Variants in PTPRG observed in about 807,000 individuals in gnomAD.
PTPRG encodes the protein protein tyrosine phosphatase receptor type G.
A neutral mutation model predicts 165.3 loss-of-function variants in PTPRG; 102 were observed. The ratio of observed to expected loss-of-function variants is 0.62; its 90% CI spans 0.53 to 0.73. PTPRG has a LOEUF of 0.73. PTPRG is among the 30% of genes least tolerant of loss of function. PTPRG has a pLI of 0.00. For missense variants in PTPRG, 1,866 were observed against 1,861.4 expected (o/e 1.00, Z -0.05); for synonymous variants, 675 against 669.5 (o/e 1.01, Z -0.13).
chr3:62,281,101 C>T (rs1050781895), intron 26 of PTPRG, among the ~76,000 whole-genome samples: 3 of 152,036 alleles, frequency 2.0e-5, no homozygotes, highest in Admixed American at 6.6e-5. Context: ...CAACATCATA[C>T]TGAAAATATA....
intron 7 of PTPRG, among the ~76,000 whole-genome samples, chr3:62,164,775 C>T (rs1704904047): frequency 6.6e-6 from 1 of 152,176 alleles, no homozygotes; most frequent in Non-Finnish European, 1.5e-5. Context: ...CTTGTTCTTT[C>T]CTGAGGCTTC....
chr3:62,069,637 GTC>G (rs537162206), intron 4 of PTPRG, among the ~76,000 whole-genome samples: 3,919 of 141,056 alleles, frequency 0.028, 149 homozygotes, highest in East Asian at 0.077. Context: ...TAGGATCGAT[GTC>G]TCTCTCTCTC....
intron 1 of PTPRG, among the ~76,000 whole-genome samples, chr3:61,740,180 A>G (rs1479299382): frequency 3.3e-5 from 5 of 152,194 alleles, no homozygotes; most frequent in Admixed American, 2.6e-4. Flanking sequence ...TATTACACCA[A>G]CACTGTCTGT....
chr3:61,709,994 A>G (rs978782842), intron 1 of PTPRG, among the ~76,000 whole-genome samples: 1 of 152,188 alleles, frequency 6.6e-6, no homozygotes, highest in Non-Finnish European at 1.5e-5. Context: ...CACTAGAAGT[A>G]ACATTGAGCT....
chr3:61,828,899 G>A (rs1199123918), intron 2 of PTPRG, among the ~76,000 whole-genome samples: 1 of 152,146 alleles, frequency 6.6e-6, no homozygotes, highest in African/African-American at 2.4e-5. Flanking sequence ...CTTGGTCATG[G>A]GTGGAAGATA....
intron 5 of PTPRG, among the ~76,000 whole-genome samples, chr3:62,082,036 T>G (rs1701600411): frequency 6.6e-6 from 1 of 152,166 alleles, no homozygotes; most frequent in African/African-American, 2.4e-5. Context: ...CCTCTACTTG[T>G]AAAAAGGCTA....
In PTPRG at chr3:62,271,842, C is replaced by A. The variant is rs1021472913; in HGVS notation, c.3182+287C>A. On this transcript the variant is annotated intron_variant, in intron 21 of 29. Transcript: ENST00000474889. The surrounding 1 kb of genome is among the most constrained non-coding windows in gnomAD (Gnocchi z 4.1). ...TGGAGGCCAACTCCTGTAATCCCAG[C>A]ACTTTGGGAGGCTGAGGTGGGTGGA... 2.6e-5 allele frequency among the ~76,000 whole-genome samples: 4 copies of A among 152,176 alleles called. No individual in the cohort carries two copies. Among genetic ancestry groups the A allele is most frequent in the African/African-American group, 9.6e-5 (4 of 41,466 alleles).
intron 1 of PTPRG, among the ~76,000 whole-genome samples, chr3:61,568,648 G>A (rs1699983026): frequency 6.6e-6 from 1 of 152,026 alleles, no homozygotes; most frequent in African/African-American, 2.4e-5. Flanking sequence ...GGTGGCTCAT[G>A]CCTGTAATTC....
chr3:62,021,087 T>C (rs1424467256), intron 4 of PTPRG, among the ~76,000 whole-genome samples: 1 of 152,096 alleles, frequency 6.6e-6, no homozygotes, highest in African/African-American at 2.4e-5. Context: ...TTGAACTTGT[T>C]CCCTCATCAG....
chr3:62,208,602 G>C (rs1473554351), intron 12 of PTPRG, among the ~76,000 whole-genome samples: 3 of 152,052 alleles, frequency 2.0e-5, no homozygotes, highest in East Asian at 3.9e-4. Flanking sequence ...CCATCCCCTG[G>C]CCTGCATTTG....
intron 6 of PTPRG, among the ~76,000 whole-genome samples, chr3:62,151,550 T>C (rs1427175452): frequency 1.3e-5 from 2 of 151,716 alleles, no homozygotes; most frequent in African/African-American, 2.4e-5. Context: ...AAATATAATA[T>C]TGTCTGCATA....
At chr3:61,617,407 G>A (rs9852959) in intron 1 of PTPRG, among the ~76,000 whole-genome samples, 11,351 of 152,240 alleles carry the variant, frequency 0.075, 1,402 homozygotes, top group African/African-American at 0.26. Flanking sequence ...TGCTCAGGGT[G>A]TACAGGCCAT....
At chr3:62,275,161 A>G (rs1702191724) in intron 23 of PTPRG, among the ~76,000 whole-genome samples, 1 of 152,316 alleles carries the variant, frequency 6.6e-6, no homozygotes, top group Admixed American at 6.5e-5. Flanking sequence ...CAAGCTACAT[A>G]AACAGGAATA....
intron 2 of PTPRG, among the ~76,000 whole-genome samples, chr3:61,946,358 G>A (rs1261452678): frequency 6.6e-6 from 1 of 152,206 alleles, no homozygotes; most frequent in African/African-American, 2.4e-5. Context: ...ATGCCTGTGA[G>A]GTTTGAAGCT....
Position 61,650,714 on chromosome 3 carries a change from C to T in PTPRG, c.85+88342C>T, listed in dbSNP as rs570978042. On this transcript the variant is annotated intron_variant, in intron 1 of 29. Coordinates refer to ENST00000474889, the MANE Select transcript of PTPRG (RefSeq NM_002841.4). Reference sequence around the variant, plus strand: ...CATCAAACGCACAGTCAACTTTTATCTTAAAATTTATTAATGTGATGGTTT... The same window carrying T: ...CATCAAACGCACAGTCAACTTTTATTTTAAAATTTATTAATGTGATGGTTT... Among the ~76,000 whole-genome samples, 13 of 152,272 alleles carry T rather than the reference C, an allele frequency of 8.5e-5. No homozygotes were observed. The East Asian group carries it at 2.5e-3, about 29-fold the overall frequency.
intron 1 of PTPRG, among the ~76,000 whole-genome samples, chr3:61,577,837 G>A (rs937341247): frequency 3.3e-5 from 5 of 152,196 alleles, no homozygotes; most frequent in African/African-American, 1.2e-4. Flanking sequence ...AGAAACTCTT[G>A]TAATTGATGG....
chr3:62,253,630 G>T (rs1701471572), intron 15 of PTPRG, among the ~76,000 whole-genome samples: 2 of 152,116 alleles, frequency 1.3e-5, no homozygotes, highest in Admixed American at 1.3e-4. Context: ...AAATTTTCTT[G>T]AACTGTGCAT....
chr3:61,657,982 G>T (rs1282570492), intron 1 of PTPRG, among the ~76,000 whole-genome samples: 1 of 152,040 alleles, frequency 6.6e-6, no homozygotes, highest in Non-Finnish European at 1.5e-5. Flanking sequence ...GTGGACAGTG[G>T]TTATGGTGCT....
chr3:61,728,158 C>T (rs532144177), intron 1 of PTPRG, among the ~76,000 whole-genome samples: 8 of 152,290 alleles, frequency 5.3e-5, no homozygotes, highest in African/African-American at 1.9e-4. Context: ...TTACAGAGTC[C>T]CATATGATTT....
Sources: allele counts gnomAD v4.1 joint callset (sites outside exome capture counted in the v4.1 genomes callset), GRCh38; gene constraint gnomAD v4.1.1; non-coding constraint Gnocchi (gnomAD v3.1); transcripts MANE v1.5; gene names NCBI Gene and HGNC (gene_info 2026-07-23, HGNC 2026-07-21).